The following KHDRBS2 variants were observed in gnomAD, a reference collection of about 807,000 sequenced individuals.
The protein encoded by KHDRBS2 is KH RNA binding domain containing, signal transduction associated 2.
A neutral mutation model predicts 44.3 loss-of-function variants in KHDRBS2; 26 were observed. That is an observed-to-expected ratio of 0.59 (90% CI 0.43 to 0.81). The LOEUF is 0.81. Among genes scored for constraint, KHDRBS2 ranks in the 40% least tolerant of loss-of-function variants. The probability of loss-of-function intolerance (pLI) is 0.00; values close to 1 mark genes in which losing one functional copy is unlikely to be tolerated. For synonymous variants in KHDRBS2, 194 were observed against 151.1 expected (o/e 1.28, Z -2.08); for missense variants, 476 against 433.1 (o/e 1.10, Z -0.88).
chr6:61,602,375 G>A, the KHDRBS2 span, among the ~76,000 whole-genome samples: 5 of 152,074 alleles, frequency 3.3e-5, no homozygotes, highest in African/African-American at 1.2e-4. Flanking sequence ...ATCTTGCTAC[G>A]AGTGCCAGAA....
intron 4 of KHDRBS2, among the ~76,000 whole-genome samples, chr6:61,937,713 T>C (rs1811293221): frequency 6.6e-6 from 1 of 152,106 alleles, no homozygotes; most frequent in South Asian, 2.1e-4. Context: ...TATAATTAGA[T>C]TTATAAAGGA....
At chr6:62,057,915 T>C (rs1235407587) in intron 2 of KHDRBS2, among the ~76,000 whole-genome samples, 4 of 151,958 alleles carry the variant, frequency 2.6e-5, no homozygotes, top group Non-Finnish European at 5.9e-5. Flanking sequence ...GTGATTATCA[T>C]AAGTGTCAGG....
intron 1 of KHDRBS2, among the ~76,000 whole-genome samples, chr6:62,207,690 T>A (rs181881344): frequency 5.9e-5 from 9 of 152,294 alleles, no homozygotes; most frequent in Admixed American, 1.3e-4. Context: ...GTCAACCCCA[T>A]TGATTGTCAT....
At chr6:61,616,931 C>G in the KHDRBS2 span, among the ~76,000 whole-genome samples, 1 of 152,114 alleles carries the variant, frequency 6.6e-6, no homozygotes, top group Non-Finnish European at 1.5e-5. Flanking sequence ...GTTAAGATGA[C>G]TACTTTAATT....
intron 2 of KHDRBS2, among the ~76,000 whole-genome samples, chr6:62,091,727 C>A (rs571840952): frequency 6.6e-6 from 1 of 152,082 alleles, no homozygotes; most frequent in African/African-American, 2.4e-5. Context: ...AAAAAAGTTA[C>A]ACATGCTGGA....
At chr6:62,047,556 G>A (rs1479539296) in intron 3 of KHDRBS2, among the ~76,000 whole-genome samples, 1 of 151,636 alleles carries the variant, frequency 6.6e-6, no homozygotes, top group Non-Finnish European at 1.5e-5. Flanking sequence ...GAACCAGCGA[G>A]GGAATTAAAG....
the KHDRBS2 span, among the ~76,000 whole-genome samples, chr6:61,658,426 G>A: frequency 6.6e-6 from 1 of 151,742 alleles, no homozygotes; most frequent in Non-Finnish European, 1.5e-5. Context: ...GTCCACATCT[G>A]ACCTTCCATT....
the KHDRBS2 span, among the ~76,000 whole-genome samples, chr6:61,588,644 T>C: frequency 1.3e-5 from 2 of 152,068 alleles, no homozygotes; most frequent in South Asian, 2.1e-4. Flanking sequence ...CAAAATTAGC[T>C]GGACATACAT....
intron 1 of KHDRBS2, among the ~76,000 whole-genome samples, chr6:62,183,971 C>T (rs980051112): frequency 1.3e-5 from 2 of 151,600 alleles, no homozygotes; most frequent in Admixed American, 6.6e-5. Flanking sequence ...AATAATATCA[C>T]CAAGTAAAGT....
At chr6:61,563,939 T>A in the KHDRBS2 span, among the ~76,000 whole-genome samples, 3 of 152,078 alleles carry the variant, frequency 2.0e-5, no homozygotes, top group Admixed American at 6.5e-5. Context: ...AATAGAGGAA[T>A]GAGAGTCCGC....
intron 3 of KHDRBS2, among the ~76,000 whole-genome samples, chr6:62,041,847 G>C (rs1291918002): frequency 1.3e-5 from 2 of 151,972 alleles, no homozygotes; most frequent in Non-Finnish European, 2.9e-5. Flanking sequence ...TGTTATTGAA[G>C]CTTATGAAGA....
the KHDRBS2 span, among the ~76,000 whole-genome samples, chr6:61,668,831 TG>T: frequency 6.6e-6 from 1 of 150,974 alleles, no homozygotes; most frequent in African/African-American, 2.4e-5. Flanking sequence ...ATTTTAGTAG[TG>T]GGTATCATCA....
the KHDRBS2 span, among the ~76,000 whole-genome samples, chr6:61,553,029 G>A: frequency 6.6e-6 from 1 of 152,126 alleles, no homozygotes; most frequent in Non-Finnish European, 1.5e-5. Flanking sequence ...GAATGACTTA[G>A]GGAGGACTCC....
chr6:62,053,078 A>G (rs2127315371), intron 2 of KHDRBS2, among the ~76,000 whole-genome samples: 1 of 152,176 alleles, frequency 6.6e-6, no homozygotes, highest in Non-Finnish European at 1.5e-5. Flanking sequence ...TGCTCTCTAT[A>G]TTATCCCATT....
intron 3 of KHDRBS2, among the ~76,000 whole-genome samples, chr6:62,042,680 C>T (rs1401682277): frequency 6.6e-6 from 1 of 152,104 alleles, no homozygotes; most frequent in Non-Finnish European, 1.5e-5. Context: ...TAGGCAGCCA[C>T]ATCTCTTTGA....
intron 4 of KHDRBS2, among the ~76,000 whole-genome samples, chr6:61,927,402 T>C (rs1181878106): frequency 6.6e-6 from 1 of 152,116 alleles, no homozygotes; most frequent in Non-Finnish European, 1.5e-5. Flanking sequence ...TATAGTCATG[T>C]CAATGTTAGT....
intron 7 of KHDRBS2, among the ~76,000 whole-genome samples, chr6:61,709,703 C>A (rs1770173457): frequency 1.3e-5 from 2 of 151,506 alleles, no homozygotes; most frequent in South Asian, 2.1e-4. Flanking sequence ...CAAAAATTTT[C>A]TATAAATAAT....
At chr6:61,786,003 A>T (rs1235017983) in intron 6 of KHDRBS2, among the ~76,000 whole-genome samples, 1 of 152,034 alleles carries the variant, frequency 6.6e-6, no homozygotes, top group African/African-American at 2.4e-5. Flanking sequence ...ACATATAGAC[A>T]CACAGGCACA....
chr6:61,678,035 G>A (rs550486971), downstream of KHDRBS2, among the ~76,000 whole-genome samples: 4 of 144,106 alleles, frequency 2.8e-5, no homozygotes, highest in Non-Finnish European at 6.3e-5. Flanking sequence ...GTAAAAACAG[G>A]ACTAGACACA....
Sources: gnomAD v4.1 joint callset for allele counts (sites outside exome capture counted in the v4.1 genomes callset) on GRCh38, gnomAD v4.1.1 for gene constraint, MANE v1.5 for transcripts, NCBI Gene and HGNC (gene_info 2026-07-23, HGNC 2026-07-21) for gene names.